DNAH5: variants seen among roughly 807,000 people sequenced by gnomAD.
The protein encoded by DNAH5 is dynein axonemal heavy chain 5.
A neutral mutation model predicts 518.2 loss-of-function variants in DNAH5; 372 were observed. The ratio of observed to expected loss-of-function variants is 0.72; its 90% CI spans 0.66 to 0.78. The LOEUF is 0.78. Among genes scored for constraint, DNAH5 ranks in the 30% least tolerant of loss-of-function variants. DNAH5 has a pLI of 0.00. For synonymous variants in DNAH5, 2,039 were observed against 2,025.9 expected (o/e 1.01, Z -0.17); for missense variants, 5,523 against 5,687.0 (o/e 0.97, Z 0.93).
At chr5:13,906,002 A>C (rs1775236887) in intron 12 of DNAH5, among the ~76,000 whole-genome samples, 1 of 152,246 alleles carries the variant, frequency 6.6e-6, no homozygotes, top group East Asian at 1.9e-4. Context: ...AACGCATATC[A>C]CTAACTAAAA....
chr5:13,970,277 A>G (rs1163074503), intron 1 of DNAH5, among the ~76,000 whole-genome samples: 1 of 152,098 alleles, frequency 6.6e-6, no homozygotes, highest in Admixed American at 6.5e-5. Flanking sequence ...TGGAGCATTT[A>G]TGGCATTTAC....
chr5:13,710,786 G>T (rs1367633426), intron 75 of DNAH5, among the ~76,000 whole-genome samples: 2 of 152,096 alleles, frequency 1.3e-5, no homozygotes, highest in Admixed American at 6.5e-5. Context: ...TAAATTCCTG[G>T]AAAAATACAG....
At chr5:13,714,823 G>C (rs1579874033) in intron 74 of DNAH5, among the ~76,000 whole-genome samples, 1 of 152,250 alleles carries the variant, frequency 6.6e-6, no homozygotes, top group Admixed American at 6.5e-5. Flanking sequence ...ACAGACAGTA[G>C]GCTCATGGCT....
chr5:13,925,123 A>C (rs546040621), intron 3 of DNAH5, among the ~76,000 whole-genome samples: 9 of 152,280 alleles, frequency 5.9e-5, no homozygotes, highest in African/African-American at 2.2e-4. Context: ...GTGAACCCTC[A>C]TTAAAGGTAA....
chr5:13,837,995 T>C (rs1302896141), intron 35 of DNAH5, among the ~76,000 whole-genome samples: 2 of 152,104 alleles, frequency 1.3e-5, no homozygotes, highest in African/African-American at 4.8e-5. Flanking sequence ...CGAGCCACCA[T>C]GCCCAGTCCA....
At chr5:13,790,358 T>C (rs1406413745) in intron 50 of DNAH5, among the ~76,000 whole-genome samples, 1 of 152,188 alleles carries the variant, frequency 6.6e-6, no homozygotes, top group African/African-American at 2.4e-5. Context: ...CATGGAATAC[T>C]ATGCAGCCAT....
chr5:13,998,132 C>A (rs1442369336), intron 1 of DNAH5, among the ~76,000 whole-genome samples: 1 of 152,186 alleles, frequency 6.6e-6, no homozygotes. Flanking sequence ...GCGTGAGCCA[C>A]CATGCCTGGC....
intron 1 of DNAH5, among the ~76,000 whole-genome samples, chr5:13,997,253 TA>T (rs1162917114): frequency 1.3e-5 from 2 of 152,262 alleles, no homozygotes; most frequent in African/African-American, 4.8e-5. Flanking sequence ...TCTCTTTTCA[TA>T]TTTTATTATA....
intron 2 of DNAH5, 118 bp downstream of exon 2, chr5:13,930,992 T>G: frequency 2.0e-6 from 3 of 1,484,782 alleles, no homozygotes; most frequent in African/African-American, 2.8e-5. Context: ...TGGAGCCCTG[T>G]CCACGTTAAG....
intron 1 of DNAH5, among the ~76,000 whole-genome samples, chr5:13,937,758 C>T (rs1779076758): frequency 1.3e-5 from 2 of 152,082 alleles, no homozygotes; most frequent in African/African-American, 4.8e-5. Context: ...AGAGATCTGA[C>T]TTAAGGAAGT....
chr5:14,000,137 T>G (rs185737276), intron 1 of DNAH5, among the ~76,000 whole-genome samples: 11 of 152,026 alleles, frequency 7.2e-5, no homozygotes, highest in African/African-American at 2.4e-4. Flanking sequence ...TTTAACCAAG[T>G]TAAGATGAGG....
intron 30 of DNAH5, among the ~76,000 whole-genome samples, chr5:13,856,846 T>C (rs979433480): frequency 2.0e-4 from 31 of 152,186 alleles, no homozygotes; most frequent in African/African-American, 7.0e-4. Flanking sequence ...AAACTAAGTA[T>C]TGATGAAACA....
chr5:13,858,391 G>A (rs1215001895), intron 30 of DNAH5, among the ~76,000 whole-genome samples: 2 of 152,078 alleles, frequency 1.3e-5, no homozygotes, highest in Admixed American at 6.6e-5. Context: ...GCACAGGGAG[G>A]GGAACATCAC....
chr5:13,692,541 A>G (rs1031342006), intron 78 of DNAH5, among the ~76,000 whole-genome samples: 1 of 152,150 alleles, frequency 6.6e-6, no homozygotes. Context: ...TTACTTTATT[A>G]TTTCAAAATC....
chr5:13,752,014 C>T (rs551626098), intron 64 of DNAH5, 120 bp downstream of exon 64: 195 of 1,094,362 alleles, frequency 1.8e-4, no homozygotes, highest in Middle Eastern at 1.6e-3. Context: ...AAGAGAAAAA[C>T]AAACCTTTCC....
At position 13,700,809 on chromosome 5, in the gene DNAH5, G is replaced by A; in HGVS notation, c.13554C>T (p.Thr4518=). 1 of 1,614,082 alleles carries A rather than the reference G, an allele frequency of 6.2e-7. No homozygotes were observed. The highest frequency in any genetic ancestry group is 8.5e-7 in the Non-Finnish European group (1 of 1,180,008). Residue 4518 remains threonine (T), a synonymous_variant, in exon 78 of 79, where the codon ACC becomes ACT. Transcript: ENST00000265104. The part of the protein sequence containing the change: ...LDNMVLCNEV[T]KWMKDDISAP... Reference sequence around the variant, plus strand: ...CAGAAATGTCGTCCTTCATCCATTTGGTGACTTCATTGCAAAGCACCATAT... The same window carrying A: ...CAGAAATGTCGTCCTTCATCCATTTAGTGACTTCATTGCAAAGCACCATAT...
intron 17 of DNAH5, among the ~76,000 whole-genome samples, chr5:13,890,470 T>C (rs1249690560): frequency 6.6e-6 from 1 of 151,784 alleles, no homozygotes; most frequent in Non-Finnish European, 1.5e-5. Context: ...TGTTAAAGTG[T>C]AGCGGATCTG....
chr5:13,948,123 G>C (rs568089907), upstream of DNAH5, among the ~76,000 whole-genome samples: 2 of 152,238 alleles, frequency 1.3e-5, no homozygotes, highest in South Asian at 2.1e-4. Context: ...TGTGTGTCCC[G>C]GTTGTTTTCT....
chr5:13,777,397 C>T lies in DNAH5; in HGVS notation c.8952-42G>A, dbSNP rs765551894. 6 of 1,585,552 alleles carry T rather than the reference C, an allele frequency of 3.8e-6. No individual in the cohort carries two copies. In the African/African-American group the frequency reaches 8.1e-5, roughly 21 times the overall value. ...ATTTTGTCATTAGCTAAAATATTTT[C>T]ATGAGAGGGAAAGAACCTTGTAACA... is the stretch of plus-strand genomic sequence containing the variant. On this transcript the variant is annotated intron_variant, in intron 53 of 78. Coordinates refer to ENST00000265104, the MANE Select transcript of DNAH5 (RefSeq NM_001369.3).
Sources: allele counts gnomAD v4.1 joint callset (sites outside exome capture counted in the v4.1 genomes callset), GRCh38; gene constraint gnomAD v4.1.1; transcripts MANE v1.5; gene names NCBI Gene and HGNC (gene_info 2026-07-23, HGNC 2026-07-21).